Variants in GRID1 observed in about 807,000 individuals in gnomAD.
GRID1 encodes glutamate receptor ionotropic, delta-1.
GRID1 carries 28 observed loss-of-function variants against 98.0 expected under a neutral mutation model. The observed-to-expected ratio is 0.29, with a 90% confidence interval of 0.21 to 0.39. The LOEUF (loss-of-function observed/expected upper bound fraction) is 0.39, where lower values mean the gene tolerates loss of function less well. GRID1 is among the 10% of genes least tolerant of loss of function. GRID1 has a pLI of 1.00. For missense variants in GRID1, 1,111 were observed against 1,340.5 expected (o/e 0.83, Z 2.67); for synonymous variants, 553 against 538.5 (o/e 1.03, Z -0.37).
At chr10:85,936,966 C>T (rs1168825525) in intron 4 of GRID1, among the ~76,000 whole-genome samples, 1 of 152,044 alleles carries the variant, frequency 6.6e-6, no homozygotes, top group Non-Finnish European at 1.5e-5. Flanking sequence ...TGGCCATTAC[C>T]CAATTTTACT....
At chr10:85,620,852 A>G (rs138126280) in intron 13 of GRID1, among the ~76,000 whole-genome samples, 1 of 152,272 alleles carries the variant, frequency 6.6e-6, no homozygotes, top group East Asian at 1.9e-4. Flanking sequence ...GCATGCACAC[A>G]CTCACATGCA....
chr10:85,907,575 A>T (rs1003819209), intron 5 of GRID1, among the ~76,000 whole-genome samples: 1 of 152,242 alleles, frequency 6.6e-6, no homozygotes, highest in Admixed American at 6.5e-5. Flanking sequence ...AGATGGCTTC[A>T]TTGGTAAATT....
intron 6 of GRID1, among the ~76,000 whole-genome samples, chr10:85,859,062 T>C (rs1843139995): frequency 6.6e-6 from 1 of 152,218 alleles, no homozygotes; most frequent in Admixed American, 6.5e-5. Flanking sequence ...AGCAATGCTC[T>C]TTTCCAGGCA....
intron 4 of GRID1, among the ~76,000 whole-genome samples, chr10:85,996,872 A>C (rs1227652863): frequency 2.0e-5 from 3 of 151,718 alleles, no homozygotes; most frequent in African/African-American, 7.2e-5. Context: ...AAAAGGAAAA[A>C]ACTGAGAAAT....
At chr10:85,737,599 T>C (rs1046320543) in intron 8 of GRID1, among the ~76,000 whole-genome samples, 7 of 144,832 alleles carry the variant, frequency 4.8e-5, no homozygotes, top group African/African-American at 1.3e-4. Flanking sequence ...GCTTAAGATA[T>C]AGAAAGGAGC....
rs577294269 is a variant in GRID1 at position 85,996,000 on chromosome 10, A to G, written c.727-79761T>C. On this transcript the variant is annotated intron_variant, in intron 4 of 15. Transcript: ENST00000327946. The stretch of plus-strand genomic sequence containing the variant: ...CTGGCCACTGGGTGGCACACACACC[A>G]GAATGATTAGAAGAGCACGGCAAAT... 5.4e-4 allele frequency among the ~76,000 whole-genome samples: 82 copies of G among 152,380 alleles called. No individual in the cohort carries two copies. The South Asian group carries it at 0.011, about 21-fold the overall frequency.
intron 1 of GRID1, among the ~76,000 whole-genome samples, chr10:86,364,875 G>A (rs1237051138): frequency 6.6e-6 from 1 of 152,258 alleles, no homozygotes; most frequent in Admixed American, 6.5e-5. Context: ...CTCCTCCAGG[G>A]CGCCCTCCGG....
chr10:85,695,171 G>A (rs999889226), intron 12 of GRID1, among the ~76,000 whole-genome samples: 3 of 152,102 alleles, frequency 2.0e-5, no homozygotes, highest in Non-Finnish European at 4.4e-5. Context: ...AGTCCTCAAT[G>A]AGAGTCATCT....
intron 5 of GRID1, among the ~76,000 whole-genome samples, chr10:85,880,658 C>T (rs1840993339): frequency 6.6e-6 from 1 of 151,564 alleles, no homozygotes; most frequent in South Asian, 2.1e-4. Context: ...AAACCCACAG[C>T]CAATATCATA....
chr10:86,295,291 T>C (rs1014138617), intron 2 of GRID1, among the ~76,000 whole-genome samples: 3 of 151,958 alleles, frequency 2.0e-5, no homozygotes, highest in African/African-American at 7.3e-5. Flanking sequence ...AGAAGGAAAC[T>C]TGATGATGAA....
intron 12 of GRID1, among the ~76,000 whole-genome samples, chr10:85,667,596 GTGAGCACAGGCTGTCTGGCTCCT>G (rs1001099614): frequency 6.6e-6 from 1 of 152,196 alleles, no homozygotes; most frequent in African/African-American, 2.4e-5. Flanking sequence ...GATCCAGCAT[GTGAGCACAGGCTGTCTGGCTCCT>G]GCACATGGAC....
At chr10:85,756,028 G>T (rs1842094642) in intron 8 of GRID1, among the ~76,000 whole-genome samples, 1 of 151,972 alleles carries the variant, frequency 6.6e-6, no homozygotes, top group Admixed American at 6.6e-5. Context: ...CCACCCACAT[G>T]CAATAGTCCT....
chr10:85,839,833 AAAAAT>A, intron 8 of GRID1, among the ~76,000 whole-genome samples: 1 of 152,288 alleles, frequency 6.6e-6, no homozygotes, highest in East Asian at 1.9e-4. Context: ...GTTTTGTGAA[AAAAAT>A]AAAATAAAAT....
At chr10:86,048,098 C>T (rs1319475268) in intron 4 of GRID1, among the ~76,000 whole-genome samples, 1 of 152,162 alleles carries the variant, frequency 6.6e-6, no homozygotes, top group Admixed American at 6.5e-5. Flanking sequence ...ATTTTCCTCA[C>T]TTTGGGAAGC....
chr10:85,953,776 G>A (rs1162006580), intron 4 of GRID1, among the ~76,000 whole-genome samples: 1 of 152,140 alleles, frequency 6.6e-6, no homozygotes, highest in Non-Finnish European at 1.5e-5. Context: ...AACAATTCAT[G>A]CACACTTTCA....
At chr10:86,128,736 T>G (rs1844791664) in intron 4 of GRID1, among the ~76,000 whole-genome samples, 1 of 152,196 alleles carries the variant, frequency 6.6e-6, no homozygotes, top group Non-Finnish European at 1.5e-5. Flanking sequence ...AATGTTGACC[T>G]TGCCCAGGGT....
chr10:85,962,078 G>A (rs1211775536), intron 4 of GRID1, among the ~76,000 whole-genome samples: 5 of 152,308 alleles, frequency 3.3e-5, no homozygotes, highest in Admixed American at 6.5e-5. Flanking sequence ...ACAGAGGGTG[G>A]TCTGTGGATC....
chr10:86,297,877 T>C (rs1384828916), intron 2 of GRID1, among the ~76,000 whole-genome samples: 3 of 152,160 alleles, frequency 2.0e-5, no homozygotes, highest in African/African-American at 7.2e-5. Flanking sequence ...TCACTTCACA[T>C]CTATTAAATA....
intron 8 of GRID1, among the ~76,000 whole-genome samples, chr10:85,847,733 CA>C: frequency 6.6e-6 from 1 of 151,308 alleles, no homozygotes. Flanking sequence ...AAAATCAAGC[CA>C]CAAAAATAAC....
Sources: allele counts gnomAD v4.1 joint callset (sites outside exome capture counted in the v4.1 genomes callset), GRCh38; gene constraint gnomAD v4.1.1; transcripts MANE v1.5; gene names NCBI Gene and HGNC (gene_info 2026-07-23, HGNC 2026-07-21).